WWOX: variants seen among roughly 807,000 people sequenced by gnomAD.
WWOX encodes the protein WW domain containing oxidoreductase.
WWOX carries 69 observed loss-of-function variants against 46.2 expected under a neutral mutation model. That is an observed-to-expected ratio of 1.49 (90% CI 1.23 to 1.82). The LOEUF (loss-of-function observed/expected upper bound fraction) is 1.82. WWOX is among the 40% of genes most tolerant of loss of function. The pLI, the probability that WWOX is intolerant of heterozygous loss-of-function variation, is 0.00. For synonymous variants in WWOX, 359 were observed against 202.6 expected (o/e 1.77, Z -6.56); for missense variants, 919 against 542.6 (o/e 1.69, Z -6.89).
chr16:78,416,433 G>T (rs888945166), intron 6 of WWOX, among the ~76,000 whole-genome samples: 3 of 152,186 alleles, frequency 2.0e-5, no homozygotes, highest in African/African-American at 4.8e-5. Flanking sequence ...ATTAATAGAG[G>T]TGACAAGTTT....
At chr16:78,323,450 C>T (rs939099592) in intron 5 of WWOX, among the ~76,000 whole-genome samples, 1 of 151,990 alleles carries the variant, frequency 6.6e-6, no homozygotes, top group African/African-American at 2.4e-5. Flanking sequence ...AAGCAAGGCT[C>T]AGTTAATGAT....
rs146119183 is a variant in WWOX, at chr16:78,493,347, C to G, written c.1056+60595C>G. Among the ~76,000 whole-genome samples the G allele has an allele frequency of 5.6e-3, 846 of 152,266 alleles. 12 individuals are homozygous for G. The highest frequency in any genetic ancestry group is 0.02 in the African/African-American group (815 of 41,550). On this transcript the variant is annotated intron_variant, in intron 8 of 8. Transcript: ENST00000566780. ...GAAGCTTCCCTGGAAAGAAAGGATT[C>G]ACTGCAAGATCGACAGGCTTACCCA... is the stretch of plus-strand genomic sequence containing the variant.
At chr16:79,118,822 C>T (rs915714815) in intron 8 of WWOX, among the ~76,000 whole-genome samples, 1 of 152,176 alleles carries the variant, frequency 6.6e-6, no homozygotes, top group African/African-American at 2.4e-5. Context: ...TGTCTTTATA[C>T]ATTTCATCAT....
chr16:78,513,757 A>C (rs1346275884), intron 8 of WWOX, among the ~76,000 whole-genome samples: 1 of 152,216 alleles, frequency 6.6e-6, no homozygotes. Context: ...CCCTCTAAGA[A>C]GGGGAGCGAA....
At chr16:78,458,033 T>G (rs1477641391) in intron 8 of WWOX, among the ~76,000 whole-genome samples, 1 of 149,920 alleles carries the variant, frequency 6.7e-6, no homozygotes, top group Non-Finnish European at 1.5e-5. Flanking sequence ...GCCAAGATGG[T>G]GCCACTGCAC....
chr16:78,493,268 G>A (rs2084830518), intron 8 of WWOX, among the ~76,000 whole-genome samples: 1 of 152,138 alleles, frequency 6.6e-6, no homozygotes, highest in Non-Finnish European at 1.5e-5. Flanking sequence ...ATACACAAAT[G>A]TCCTATGTTA....
chr16:78,846,017 G>A (rs2052289180), intron 8 of WWOX, among the ~76,000 whole-genome samples: 1 of 152,200 alleles, frequency 6.6e-6, no homozygotes, highest in Admixed American at 6.5e-5. Flanking sequence ...CGTGGATGCG[G>A]GAGGCACTGC....
chr16:78,765,369 G>C (rs1417173472), intron 8 of WWOX, among the ~76,000 whole-genome samples: 1 of 152,170 alleles, frequency 6.6e-6, no homozygotes, highest in Admixed American at 6.5e-5. Flanking sequence ...GCAGGTGAGA[G>C]GCCCTGAAAT....
rs761879076 is a variant in WWOX at position 78,164,183 on chromosome 16, G to A, written c.410G>A (p.Gly137Glu). 210 of 1,613,590 alleles carry A rather than the reference G, an allele frequency of 1.3e-4. No individual in the cohort carries two copies. The highest frequency in any genetic ancestry group is 1.7e-4 in the Non-Finnish European group (198 of 1,179,902). ...VVVTGANSGI[G>E]FETAKSFALH... ...ACATTGACTTTCCTTTAAACCATAG[G>A]GTTCGAAACCGCCAAGTCTTTTGCC... The change falls in exon 5 of 9, where the codon GGG becomes GAG. Residue 137 changes from glycine (G) to glutamate (E), a missense_variant and splice_region_variant. Gly to Glu is a moderately conservative substitution (Grantham distance 98). Transcript: ENST00000566780.
At chr16:78,314,695 T>TTG (rs1555517840) in intron 5 of WWOX, among the ~76,000 whole-genome samples, 9 of 66,140 alleles carry the variant, frequency 1.4e-4, no homozygotes, top group African/African-American at 1.1e-3. Context: ...GGGGTTTTTT[T>TTG]TTTTTGTTTT....
intron 8 of WWOX, among the ~76,000 whole-genome samples, chr16:78,842,961 C>T (rs1451987824): frequency 6.7e-6 from 1 of 150,158 alleles, no homozygotes; most frequent in East Asian, 2.0e-4. Flanking sequence ...AAAATGCACG[C>T]ACCCACAGGC....
chr16:78,179,979 C>T (rs1355180827), intron 5 of WWOX, among the ~76,000 whole-genome samples: 3 of 152,118 alleles, frequency 2.0e-5, no homozygotes, highest in South Asian at 2.1e-4. Context: ...GGGGACAGAT[C>T]GGCTGGTTAG....
At chr16:78,636,044 G>A (rs1168465001) in intron 8 of WWOX, among the ~76,000 whole-genome samples, 5 of 152,080 alleles carry the variant, frequency 3.3e-5, no homozygotes, top group Admixed American at 6.6e-5. Flanking sequence ...TGCTCGCTGC[G>A]GAACACTGCC....
At chr16:78,398,090 T>G (rs547777959) in intron 6 of WWOX, among the ~76,000 whole-genome samples, 3 of 152,344 alleles carry the variant, frequency 2.0e-5, no homozygotes, top group Admixed American at 6.5e-5. Context: ...GCTTATCAAG[T>G]AGACAGAAGA....
intron 5 of WWOX, among the ~76,000 whole-genome samples, chr16:78,366,191 C>G (rs907721315): frequency 1.3e-5 from 2 of 152,202 alleles, no homozygotes; most frequent in Non-Finnish European, 2.9e-5. Flanking sequence ...TTTCAAAAAG[C>G]TTTCATGTTC....
chr16:78,192,938 T>C (rs1176234340), intron 5 of WWOX, among the ~76,000 whole-genome samples: 1 of 152,208 alleles, frequency 6.6e-6, no homozygotes, highest in African/African-American at 2.4e-5. Context: ...AATCCCAGAC[T>C]CTCAAGGCTT....
At chr16:78,828,776 C>G (rs368606308) in intron 8 of WWOX, among the ~76,000 whole-genome samples, 10 of 152,142 alleles carry the variant, frequency 6.6e-5, no homozygotes, top group East Asian at 3.9e-4. Context: ...TATTATTTCT[C>G]TATTGCAATT....
intron 4 of WWOX, among the ~76,000 whole-genome samples, chr16:78,151,055 T>TTC (rs1320658185): frequency 6.6e-6 from 1 of 151,092 alleles, no homozygotes; most frequent in African/African-American, 2.4e-5. Context: ...TTTTTTTTTT[T>TTC]TTTTAGAGAT....
At chr16:78,300,999 T>C (rs887402521) in intron 5 of WWOX, among the ~76,000 whole-genome samples, 2 of 144,910 alleles carry the variant, frequency 1.4e-5, no homozygotes, top group Non-Finnish European at 3.1e-5. Context: ...TACCCACCCA[T>C]CCATCCATCC....
Sources: gnomAD v4.1 joint callset for allele counts (sites outside exome capture counted in the v4.1 genomes callset) on GRCh38, gnomAD v4.1.1 for gene constraint, MANE v1.5 for transcripts, NCBI Gene and HGNC (gene_info 2026-07-23, HGNC 2026-07-21) for gene names.